Variants in RARB observed in about 807,000 individuals in gnomAD.
RARB encodes retinoic acid receptor beta.
Under a neutral mutation model 51.9 loss-of-function variants are expected in RARB, and 17 were observed. The ratio of observed to expected loss-of-function variants is 0.33; its 90% CI spans 0.22 to 0.49. The LOEUF (loss-of-function observed/expected upper bound fraction) is 0.49. RARB is among the 20% of genes least tolerant of loss of function. RARB has a pLI of 0.99. For missense variants in RARB, 369 were observed against 550.8 expected, an observed-to-expected ratio of 0.67 and a Z score of 3.30; for synonymous variants, 215 against 195.4, an observed-to-expected ratio of 1.10 and a Z score of -0.84.
chr3:25,445,242 G>T (rs1348136272), intron 1 of RARB, among the ~76,000 whole-genome samples: 1 of 152,002 alleles, frequency 6.6e-6, no homozygotes, highest in East Asian at 1.9e-4. Context: ...GTGCCACCCC[G>T]CCCAGCCAAA....
chr3:24,877,345 A>AATTTTTTTTT, intron 2 of RARB, among the ~76,000 whole-genome samples: 2 of 17,754 alleles, frequency 1.1e-4, no homozygotes, highest in East Asian at 1.0e-3. Flanking sequence ...AAGCAATCTT[A>AATTTTTTTTT]CTTTTTTTTT....
chr3:24,887,935 G>A (rs1487940728), intron 2 of RARB, among the ~76,000 whole-genome samples: 3 of 152,224 alleles, frequency 2.0e-5, no homozygotes, highest in African/African-American at 7.2e-5. Flanking sequence ...ACTCCAGTGG[G>A]ATTTTTCTGG....
intron 2 of RARB, among the ~76,000 whole-genome samples, chr3:24,937,520 C>T (rs1695570793): frequency 6.6e-6 from 1 of 152,150 alleles, no homozygotes; most frequent in African/African-American, 2.4e-5. Context: ...CTTTCCATTC[C>T]AGATCCCAAG....
At chr3:25,241,539 C>G (rs1702430918) in intron 5 of RARB, among the ~76,000 whole-genome samples, 1 of 152,138 alleles carries the variant, frequency 6.6e-6, no homozygotes, top group Admixed American at 6.6e-5. Context: ...TTGTTCAACT[C>G]CTACCTATGA....
chr3:25,536,267 A>T (rs1699136943), intron 3 of RARB, among the ~76,000 whole-genome samples: 1 of 152,236 alleles, frequency 6.6e-6, no homozygotes, highest in Admixed American at 6.5e-5. Context: ...CTAGTTAGAG[A>T]CAAAGCCAGG....
At chr3:25,389,251 G>A (rs1036639701) in intron 5 of RARB, among the ~76,000 whole-genome samples, 1 of 152,096 alleles carries the variant, frequency 6.6e-6, no homozygotes, top group African/African-American at 2.4e-5. Flanking sequence ...CCTTTTTTTA[G>A]ATGGTAATCA....
intron 1 of RARB, among the ~76,000 whole-genome samples, chr3:24,839,428 CAT>C (rs752961921): frequency 4.4e-4 from 66 of 151,620 alleles, no homozygotes; most frequent in Non-Finnish European, 8.2e-4. Flanking sequence ...GGAAGCCAGG[CAT>C]GGTGGCTCAT....
upstream of RARB, among the ~76,000 whole-genome samples, chr3:25,426,739 G>C (rs1708004090): frequency 6.6e-6 from 1 of 152,222 alleles, no homozygotes. Flanking sequence ...TTCCTCTCCA[G>C]AGTTTCCTTT....
chr3:24,837,724 A>G (rs1217504425), intron 1 of RARB, among the ~76,000 whole-genome samples: 1 of 152,180 alleles, frequency 6.6e-6, no homozygotes, highest in Non-Finnish European at 1.5e-5. Context: ...GCTCTAAATC[A>G]CCAGAATTGG....
At chr3:25,061,215 AAATTT>A (rs1698540725) in intron 3 of RARB, among the ~76,000 whole-genome samples, 1 of 151,904 alleles carries the variant, frequency 6.6e-6, no homozygotes, top group Non-Finnish European at 1.5e-5. Flanking sequence ...AGTGAAAATA[AAATTT>A]AATTTATTCA....
chr3:24,960,026 G>A (rs913023969), intron 2 of RARB, among the ~76,000 whole-genome samples: 1 of 152,158 alleles, frequency 6.6e-6, no homozygotes, highest in African/African-American at 2.4e-5. Context: ...GAAATAAGTG[G>A]TACAAAGACT....
intron 2 of RARB, among the ~76,000 whole-genome samples, chr3:24,883,356 T>TTGTGTGTGTGTGTGTGTGTGTG (rs3057218): frequency 3.5e-5 from 5 of 143,670 alleles, no homozygotes; most frequent in South Asian, 2.3e-4. Context: ...TCAACAATCA[T>TTGTGTGTGTGTGTGTGTGTGTG]TGTGTGTGTG....
At chr3:25,492,889 A>G (rs561009667) in intron 2 of RARB, among the ~76,000 whole-genome samples, 1 of 152,210 alleles carries the variant, frequency 6.6e-6, no homozygotes, top group Admixed American at 6.5e-5. Context: ...AGCAGGCAAG[A>G]GGTGCTATAG....
At chr3:25,134,057 T>C (rs908351505) in intron 4 of RARB, among the ~76,000 whole-genome samples, 4 of 151,860 alleles carry the variant, frequency 2.6e-5, no homozygotes, top group African/African-American at 4.8e-5. Context: ...TTTTTTGTTA[T>C]ATTTTCTGTT....
chr3:25,104,577 G>T (rs546836826), intron 3 of RARB, among the ~76,000 whole-genome samples: 31 of 152,270 alleles, frequency 2.0e-4, no homozygotes, highest in African/African-American at 7.2e-4. Context: ...CTAGGAGGTG[G>T]AGATTGGAGT....
At chr3:25,235,753 A>G (rs982319631) in intron 5 of RARB, among the ~76,000 whole-genome samples, 1 of 152,204 alleles carries the variant, frequency 6.6e-6, no homozygotes, top group South Asian at 2.1e-4. Context: ...GGAGATGGAA[A>G]GGCTTTGCTA....
At chr3:25,543,300 T>C (rs1699462288) in intron 3 of RARB, among the ~76,000 whole-genome samples, 1 of 152,218 alleles carries the variant, frequency 6.6e-6, no homozygotes, top group Non-Finnish European at 1.5e-5. Context: ...AGCTGGCTGC[T>C]AATATTTTCT....
chr3:24,854,157 T>C (rs566254453), intron 1 of RARB, among the ~76,000 whole-genome samples: 125 of 152,294 alleles, frequency 8.2e-4, no homozygotes, highest in Non-Finnish European at 1.5e-3. Context: ...GGGATGTAAT[T>C]TGAGCATCCC....
At chr3:25,128,372 G>A (rs1457829260) in intron 3 of RARB, among the ~76,000 whole-genome samples, 1 of 149,804 alleles carries the variant, frequency 6.7e-6, no homozygotes, top group Non-Finnish European at 1.5e-5. Flanking sequence ...AGACTTACAT[G>A]AAATTATATA....
Sources: allele counts gnomAD v4.1 joint callset (sites outside exome capture counted in the v4.1 genomes callset), GRCh38; gene constraint gnomAD v4.1.1; transcripts MANE v1.5; gene names NCBI Gene and HGNC (gene_info 2026-07-23, HGNC 2026-07-21).